PDE1C: variants seen among roughly 807,000 people sequenced by gnomAD.
The protein encoded by PDE1C is phosphodiesterase 1C.
PDE1C carries 62 observed loss-of-function variants against 93.1 expected under a neutral mutation model. That is an observed-to-expected ratio of 0.67 (90% CI 0.54 to 0.82). The LOEUF is 0.82. Ranked by LOEUF, PDE1C falls within the 40% of genes least tolerant of loss-of-function variation. The pLI is 0.00. For synonymous variants in PDE1C, 325 were observed against 310.1 expected (o/e 1.05, Z -0.50); for missense variants, 742 against 884.6 (o/e 0.84, Z 2.04).
chr7:31,938,946 C>T (rs983236095), intron 2 of PDE1C, among the ~76,000 whole-genome samples: 1 of 152,124 alleles, frequency 6.6e-6, no homozygotes, highest in Non-Finnish European at 1.5e-5. Context: ...GAGCTCAGCA[C>T]CCTCACCACC....
chr7:32,363,428 G>C (rs1307066038), intron 1 of PDE1C, among the ~76,000 whole-genome samples: 1 of 152,210 alleles, frequency 6.6e-6, no homozygotes, highest in African/African-American at 2.4e-5. Flanking sequence ...CTTCTACAAA[G>C]CCTTGCGTTA....
intron 3 of PDE1C, among the ~76,000 whole-genome samples, chr7:32,112,802 ATATG>A (rs758377806): frequency 0.16 from 14,955 of 96,152 alleles, 1,283 homozygotes; most frequent in Non-Finnish European, 0.22. Context: ...ATATATACAT[ATATG>A]TGTGTGTGTG....
the PDE1C span, among the ~76,000 whole-genome samples, chr7:31,632,112 G>T: frequency 2.0e-5 from 3 of 152,116 alleles, no homozygotes; most frequent in African/African-American, 7.2e-5. Context: ...GTTTTTCAAT[G>T]CCATAGACAA....
chr7:31,903,764 A>T (rs1474361440), intron 2 of PDE1C, among the ~76,000 whole-genome samples: 1 of 152,142 alleles, frequency 6.6e-6, no homozygotes, highest in Non-Finnish European at 1.5e-5. Context: ...TGCCTGAGTC[A>T]AATAGGAAGT....
the PDE1C span, chr7:31,642,364 G>A: frequency 2.5e-6 from 2 of 787,122 alleles, no homozygotes; most frequent in Non-Finnish European, 4.0e-6. Context: ...CTCAGAAAGA[G>A]GGGTGTTTTA....
At chr7:32,311,707 C>G (rs925117855) in intron 1 of PDE1C, among the ~76,000 whole-genome samples, 26 of 152,000 alleles carry the variant, frequency 1.7e-4, no homozygotes, top group African/African-American at 6.0e-4. Context: ...TTCAACAACC[C>G]TTCATGCTAA....
intron 2 of PDE1C, among the ~76,000 whole-genome samples, chr7:31,921,257 G>A (rs557904501): frequency 6.6e-6 from 1 of 152,326 alleles, no homozygotes; most frequent in South Asian, 2.1e-4. Context: ...TCAAAACTGA[G>A]TTAAGAGGAG....
At chr7:31,909,822 G>C (rs114246168) in intron 2 of PDE1C, among the ~76,000 whole-genome samples, 1,579 of 152,254 alleles carry the variant, frequency 0.01, 12 homozygotes, top group Middle Eastern at 0.034. Flanking sequence ...GTCAGGGTTT[G>C]AACCCAGGCT....
chr7:31,621,815 T>C, the PDE1C span, among the ~76,000 whole-genome samples: 4 of 151,106 alleles, frequency 2.6e-5, no homozygotes, highest in Non-Finnish European at 5.9e-5. Flanking sequence ...GACTGGCAAA[T>C]TGGATAAAGA....
At chr7:31,634,823 G>C in the PDE1C span, among the ~76,000 whole-genome samples, 1 of 152,356 alleles carries the variant, frequency 6.6e-6, no homozygotes, top group South Asian at 2.1e-4. Flanking sequence ...GTAGGTGCCA[G>C]GTGGGAAGTC....
chr7:32,078,588 A>G (rs1796483444), intron 3 of PDE1C, among the ~76,000 whole-genome samples: 1 of 152,174 alleles, frequency 6.6e-6, no homozygotes, highest in South Asian at 2.1e-4. Context: ...ACACTGGGCA[A>G]CGGCTATACA....
At chr7:31,831,930 C>T (rs919212779) in intron 11 of PDE1C, among the ~76,000 whole-genome samples, 3 of 152,086 alleles carry the variant, frequency 2.0e-5, no homozygotes, top group Non-Finnish European at 4.4e-5. Context: ...GGTGCCACTA[C>T]TAACAGAAAG....
the PDE1C span, among the ~76,000 whole-genome samples, chr7:31,650,168 G>A: frequency 6.6e-6 from 1 of 152,190 alleles, no homozygotes; most frequent in Non-Finnish European, 1.5e-5. Flanking sequence ...ACACTTGTGA[G>A]TTGTAAGAAA....
At chr7:32,068,229 G>A (rs1306374768) in intron 1 of PDE1C, among the ~76,000 whole-genome samples, 2 of 151,984 alleles carry the variant, frequency 1.3e-5, no homozygotes, top group Non-Finnish European at 2.9e-5. Flanking sequence ...TCTGTTGTGT[G>A]GACAAATATG....
At chr7:32,258,176 T>C (rs763558545) in intron 1 of PDE1C, among the ~76,000 whole-genome samples, 1 of 152,210 alleles carries the variant, frequency 6.6e-6, no homozygotes, top group Non-Finnish European at 1.5e-5. Context: ...GAGCTGAACT[T>C]GAATTTAGGC....
chr7:32,154,698 C>A (rs1447852641), intron 3 of PDE1C, among the ~76,000 whole-genome samples: 2 of 152,222 alleles, frequency 1.3e-5, no homozygotes, highest in Non-Finnish European at 2.9e-5. Context: ...TGACTCCAAG[C>A]TCTAGTGCTA....
chr7:31,920,158 T>C (rs925851097), intron 2 of PDE1C, among the ~76,000 whole-genome samples: 1 of 152,192 alleles, frequency 6.6e-6, no homozygotes, highest in Admixed American at 6.5e-5. Flanking sequence ...CTCAACGTCC[T>C]ACCCATACAC....
chr7:31,923,293 A>T (rs1460510429), intron 2 of PDE1C, among the ~76,000 whole-genome samples: 3 of 152,184 alleles, frequency 2.0e-5, no homozygotes, highest in African/African-American at 7.2e-5. Context: ...TGCATGTTAG[A>T]ATCACTTGGA....
intron 1 of PDE1C, among the ~76,000 whole-genome samples, chr7:32,417,152 A>AGCAT (rs1785291604): frequency 6.6e-6 from 1 of 152,104 alleles, no homozygotes; most frequent in Non-Finnish European, 1.5e-5. Context: ...GGTCCCAGGG[A>AGCAT]GCATAGTCAG....
Sources: gnomAD v4.1 joint callset for allele counts (sites outside exome capture counted in the v4.1 genomes callset) on GRCh38, gnomAD v4.1.1 for gene constraint, MANE v1.5 for transcripts, NCBI Gene and HGNC (gene_info 2026-07-23, HGNC 2026-07-21) for gene names.